The following FLNB variants were observed in gnomAD, a reference collection of about 807,000 sequenced individuals.
The protein encoded by FLNB is filamin-B.
Under a neutral mutation model 250.6 loss-of-function variants are expected in FLNB, and 111 were observed. The observed-to-expected ratio is 0.44, with a 90% CI of 0.38 to 0.52. The LOEUF (loss-of-function observed/expected upper bound fraction) is 0.52, where lower values mean the gene tolerates loss of function less well. FLNB is among the 20% of genes least tolerant of loss of function. The probability of loss-of-function intolerance (pLI) is 0.00; values close to 1 mark genes in which losing one functional copy is unlikely to be tolerated. For synonymous variants in FLNB, 1,302 were observed against 1,372.1 expected, an observed-to-expected ratio of 0.95 and a Z score of 1.13; for missense variants, 2,869 against 3,447.8, an observed-to-expected ratio of 0.83 and a Z score of 4.20.
intron 24 of FLNB, among the ~76,000 whole-genome samples, chr3:58,129,031 A>G (rs1402407673): frequency 6.6e-6 from 1 of 152,222 alleles, no homozygotes; most frequent in Non-Finnish European, 1.5e-5. Flanking sequence ...CTATGGGGGT[A>G]CTGCCGGGAA....
chr3:58,031,537 C>T (rs908765140), intron 1 of FLNB, among the ~76,000 whole-genome samples: 3 of 145,202 alleles, frequency 2.1e-5, no homozygotes, highest in Non-Finnish European at 4.5e-5. Context: ...AGCCACCGTG[C>T]CCTGCCTTTT....
At chr3:58,083,122 A>G (rs2097211536) in intron 4 of FLNB, among the ~76,000 whole-genome samples, 1 of 152,138 alleles carries the variant, frequency 6.6e-6, no homozygotes, top group Admixed American at 6.5e-5. Flanking sequence ...CTATTGTCCT[A>G]AGATTATCTT....
At chr3:58,159,753 G>A (rs989610027) in intron 42 of FLNB, 67 bp downstream of exon 42, 5 of 1,553,084 alleles carry the variant, frequency 3.2e-6, no homozygotes, top group Non-Finnish European at 4.4e-6. Flanking sequence ...CTGTAAATGT[G>A]TGTCCCAAGG....
At position 58,134,648 on chromosome 3, in the gene FLNB, A is replaced by G. The variant is rs184586811; in HGVS notation, c.4547A>G (p.Asp1516Gly). 6.2e-7 allele frequency: 1 copy of G among 1,614,108 alleles called. No individual in the cohort carries two copies. The highest frequency in any genetic ancestry group is 2.2e-5 in the East Asian group (1 of 44,886). Residue 1516 changes from aspartate to glycine, a missense_variant, in exon 27 of 46, where the codon GAT becomes GGT. By Grantham distance (94) the Asp-to-Gly change is moderately conservative. Coordinates refer to ENST00000295956, the MANE Select transcript of FLNB (RefSeq NM_001457.4). ...PFKVKVLPTY[D>G]ASKVTASGPG... ...AAGGTCAAGGTCCTTCCCACATATG[A>G]TGCCAGCAAAGTGACTGCCAGTGGC...
chr3:58,022,055 G>A (rs1224308207), intron 1 of FLNB, among the ~76,000 whole-genome samples: 1 of 152,156 alleles, frequency 6.6e-6, no homozygotes, highest in Non-Finnish European at 1.5e-5. Flanking sequence ...TTACAGGCAT[G>A]AGCCACCTCA....
chr3:58,034,797 G>A (rs2097135711), intron 1 of FLNB, among the ~76,000 whole-genome samples: 1 of 152,122 alleles, frequency 6.6e-6, no homozygotes, highest in Admixed American at 6.5e-5. Flanking sequence ...CTCTGATTCT[G>A]TTGTCTCTCC....
intron 1 of FLNB, among the ~76,000 whole-genome samples, chr3:58,063,345 G>A (rs373032550): frequency 2.0e-5 from 3 of 152,190 alleles, no homozygotes; most frequent in African/African-American, 4.8e-5. Flanking sequence ...GAAGGAGGTC[G>A]GTCCCTGGGC....
chr3:58,126,936 G>A (rs2097298993), intron 24 of FLNB, among the ~76,000 whole-genome samples, 174 bp downstream of exon 24: 1 of 152,144 alleles, frequency 6.6e-6, no homozygotes, highest in Non-Finnish European at 1.5e-5. Flanking sequence ...AGTAGAACCG[G>A]TAACATGGCA....
chr3:58,061,389 A>T (rs1320761716), intron 1 of FLNB, among the ~76,000 whole-genome samples: 1 of 152,162 alleles, frequency 6.6e-6, no homozygotes, highest in Non-Finnish European at 1.5e-5. Flanking sequence ...TATGTATTGT[A>T]CTATGTTTCT....
chr3:58,107,227 C>T (rs2097261142), intron 12 of FLNB, among the ~76,000 whole-genome samples: 1 of 152,140 alleles, frequency 6.6e-6, no homozygotes, highest in Non-Finnish European at 1.5e-5. Flanking sequence ...GATGGGGTTT[C>T]ACCATGTTGG....
chr3:58,087,702 G>A (rs970535901), intron 4 of FLNB, among the ~76,000 whole-genome samples: 2 of 151,066 alleles, frequency 1.3e-5, no homozygotes, highest in Non-Finnish European at 2.9e-5. Flanking sequence ...CACCTGCCTC[G>A]GCCTCCCGAA....
intron 41 of FLNB, among the ~76,000 whole-genome samples, chr3:58,157,512 T>C (rs1378568092): frequency 2.0e-5 from 3 of 152,230 alleles, no homozygotes; most frequent in African/African-American, 7.2e-5. Context: ...GTCCACACAT[T>C]GAAGCGGCCT....
At chr3:58,048,827 G>A (rs941121466) in intron 1 of FLNB, among the ~76,000 whole-genome samples, 3 of 152,142 alleles carry the variant, frequency 2.0e-5, no homozygotes, top group African/African-American at 7.2e-5. Context: ...GTTTGTATGT[G>A]TGTTAATTTT....
intron 1 of FLNB, among the ~76,000 whole-genome samples, chr3:58,039,503 G>A (rs906910058): frequency 6.6e-6 from 1 of 152,134 alleles, no homozygotes; most frequent in Non-Finnish European, 1.5e-5. Flanking sequence ...TGACTGGGGG[G>A]ATCTAGGTCA....
chr3:58,157,615 T>C (rs1398337841), intron 41 of FLNB, among the ~76,000 whole-genome samples: 1 of 152,232 alleles, frequency 6.6e-6, no homozygotes, highest in Non-Finnish European at 1.5e-5. Flanking sequence ...AAGTGTCTTT[T>C]GTGGCCAACT....
chr3:58,066,655 AT>A (rs2097186139), intron 1 of FLNB, among the ~76,000 whole-genome samples: 2 of 152,146 alleles, frequency 1.3e-5, no homozygotes, highest in African/African-American at 2.4e-5. Context: ...CTCATTGATC[AT>A]TTATTTAGTC....
chr3:58,158,216 T>A (rs1255281365), intron 41 of FLNB, among the ~76,000 whole-genome samples: 1 of 152,216 alleles, frequency 6.6e-6, no homozygotes, highest in Non-Finnish European at 1.5e-5. Flanking sequence ...CAATAGTAGG[T>A]TCTGCAGTGA....
chr3:58,154,214 G>C (rs900983568), intron 39 of FLNB, among the ~76,000 whole-genome samples: 1 of 152,148 alleles, frequency 6.6e-6, no homozygotes, highest in Non-Finnish European at 1.5e-5. Context: ...AAAGTGCTGG[G>C]ATTATAGGCA....
chr3:58,121,350 C>T lies in FLNB; in HGVS notation c.2973C>T (p.Cys991=). Residue 991 remains cysteine, a synonymous_variant, in exon 20 of 46, where the codon TGC becomes TGT. Coordinates refer to ENST00000295956, the MANE Select transcript of FLNB (RefSeq NM_001457.4). The part of the protein sequence containing the change: ...ILSPSRKVVP[C]LVTPVTGREN... Reference sequence around the variant, plus strand: ...GCCCCTCTCGGAAGGTCGTGCCATGCCTAGTGACACCTGTGACAGGCCGGG... The same window carrying T: ...GCCCCTCTCGGAAGGTCGTGCCATGTCTAGTGACACCTGTGACAGGCCGGG... The T allele has an allele frequency of 1.2e-6, 2 of 1,614,158 alleles. No individual in the cohort carries two copies. The highest frequency in any genetic ancestry group is 2.2e-5 in the East Asian group (1 of 44,884).
Sources: allele counts gnomAD v4.1 joint callset (sites outside exome capture counted in the v4.1 genomes callset), GRCh38; gene constraint gnomAD v4.1.1; transcripts MANE v1.5; gene names NCBI Gene and HGNC (gene_info 2026-07-23, HGNC 2026-07-21).